PIK3R3: variants seen among roughly 807,000 people sequenced by gnomAD.
PIK3R3 encodes phosphatidylinositol 3-kinase regulatory subunit gamma.
Under a neutral mutation model 62.9 loss-of-function variants are expected in PIK3R3, and 64 were observed. The ratio of observed to expected loss-of-function variants is 1.02; its 90% CI spans 0.83 to 1.25. The LOEUF (loss-of-function observed/expected upper bound fraction) is 1.25, where lower values mean the gene tolerates loss of function less well. Ranked by LOEUF, PIK3R3 falls within the 50% of genes most tolerant of loss-of-function variation. The pLI, the probability that PIK3R3 is intolerant of heterozygous loss-of-function variation, is 0.00. For synonymous variants in PIK3R3, 165 were observed against 189.0 expected (o/e 0.87, Z 1.04); for missense variants, 614 against 561.6 (o/e 1.09, Z -0.94).
Position 46,046,020 on chromosome 1 carries a change from T to A in PIK3R3, c.1085A>T (p.Asp362Val). ...HYDEKTWFVE[D>V]INRVQAEDLL... ...GTCCTCTGCTTGTACTCGATTGATA[T>A]CCTCAACAAACCAGGTTTTCTCATC... The change falls in exon 9 of 10, where the codon GAT (aspartate) becomes GTT (valine). Residue 362 changes from aspartate (D) to valine (V), a missense_variant. Physicochemically the swap from Asp to Val is radical, Grantham distance 152. Coordinates refer to ENST00000262741, the MANE Select transcript of PIK3R3 (RefSeq NM_003629.4). The A allele has an allele frequency of 6.2e-7, 1 of 1,612,062 alleles. No individual in the cohort carries two copies. The highest frequency in any genetic ancestry group is 8.5e-7 in the Non-Finnish European group (1 of 1,178,330).
the PIK3R3 span, among the ~76,000 whole-genome samples, chr1:46,139,882 A>T: frequency 1.3e-5 from 2 of 152,160 alleles, no homozygotes; most frequent in African/African-American, 4.8e-5. Flanking sequence ...TCAGTATCCT[A>T]CCCTGACATA....
At position 46,091,481 on chromosome 1, in the gene PIK3R3, CAT is replaced by C. The variant is rs1418841969; in HGVS notation, c.107-10733_107-10732del. Reference sequence around the variant, plus strand: ...AAATGGTTATAAACACACACACACACATACACACACACACACACAGAGAATGT... The same window carrying C: ...AAATGGTTATAAACACACACACACACACACACACACACACACAGAGAATGT... On this transcript the variant is annotated intron_variant, in intron 1 of 9. Coordinates refer to ENST00000262741, the MANE Select transcript of PIK3R3 (RefSeq NM_003629.4). Among the ~76,000 whole-genome samples the C allele has an allele frequency of 8.6e-5, 6 of 69,522 alleles. No individual in the cohort carries two copies. The South Asian group carries it at 2.2e-3, about 25-fold the overall frequency. The allele number at this position is 69,522 out of a possible 152,430, so 45.6% of individuals were successfully genotyped here. A position where few individuals can be genotyped will look rare whatever the true frequency, so the allele number is the denominator to read the frequency against.
chr1:46,103,495 G>A (rs1348581459), intron 1 of PIK3R3, among the ~76,000 whole-genome samples: 6 of 152,006 alleles, frequency 3.9e-5, no homozygotes, highest in South Asian at 2.1e-4. Flanking sequence ...GTTTGAACCC[G>A]GGAGGTGGAG....
intron 1 of PIK3R3, among the ~76,000 whole-genome samples, chr1:46,116,977 A>G (rs1654240918): frequency 6.6e-6 from 1 of 152,208 alleles, no homozygotes; most frequent in African/African-American, 2.4e-5. Context: ...AAAGAAAATA[A>G]CATAAATCTC....
chr1:46,135,236 T>G (rs1435392032), upstream of PIK3R3, among the ~76,000 whole-genome samples: 1 of 152,170 alleles, frequency 6.6e-6, no homozygotes, highest in African/African-American at 2.4e-5. Flanking sequence ...AGTTGGAGAA[T>G]TATATTTGAC....
In PIK3R3 at chr1:46,075,272, G is replaced by T. The variant is rs189902498; in HGVS notation, c.314+2243C>A. On this transcript the variant is annotated intron_variant, in intron 3 of 9. Coordinates refer to ENST00000262741, the MANE Select transcript of PIK3R3 (RefSeq NM_003629.4). ...ATTTTTAAGTCTCATCAAATTAAGAGAGCCAATTCCGGGAACCCCAAAATT... is the reference window on the plus strand; with the variant it reads ...ATTTTTAAGTCTCATCAAATTAAGATAGCCAATTCCGGGAACCCCAAAATT... Among the ~76,000 whole-genome samples the T allele has an allele frequency of 1.5e-3, 228 of 152,272 alleles. 1 individual carries two copies. Among genetic ancestry groups the T allele is most frequent in the African/African-American group, 5.1e-3 (210 of 41,564 alleles).
At chr1:46,171,976 C>A in the PIK3R3 span, among the ~76,000 whole-genome samples, 7 of 152,044 alleles carry the variant, frequency 4.6e-5, no homozygotes, top group Non-Finnish European at 8.8e-5. Context: ...GCAGCCTGGA[C>A]CTTCTTCCAG....
At chr1:46,144,151 G>A in the PIK3R3 span, among the ~76,000 whole-genome samples, 2 of 152,128 alleles carry the variant, frequency 1.3e-5, no homozygotes, top group East Asian at 3.8e-4. Context: ...TCAGGGGTTT[G>A]GACCTATAAC....
intron 1 of PIK3R3, among the ~76,000 whole-genome samples, chr1:46,117,849 G>A (rs573487516): frequency 1.3e-5 from 2 of 152,204 alleles, no homozygotes; most frequent in Admixed American, 6.5e-5. Context: ...TAAGGGAATT[G>A]CCTGAGGCCA....
upstream of PIK3R3, chr1:46,132,736 C>A (rs1001979776): frequency 1.1e-5 from 14 of 1,287,734 alleles, no homozygotes; most frequent in Non-Finnish European, 1.4e-5. Flanking sequence ...GGAGGGGGGA[C>A]AGCAGGCATC....
Position 46,131,843 on chromosome 1 carries a change from G to T in PIK3R3, c.106+4C>A. On this transcript the variant is annotated splice_donor_region_variant and intron_variant, in intron 1 of 9. Coordinates refer to ENST00000262741, the MANE Select transcript of PIK3R3 (RefSeq NM_003629.4). ...GAGATTCTTTTTTTTTTTCTCCCAA[G>T]TACCTGGAGGATCCATTTCAATATA... is the stretch of plus-strand genomic sequence containing the variant. 1.9e-6 allele frequency: 3 copies of T among 1,606,052 alleles called. No individual in the cohort carries two copies. Among genetic ancestry groups the T allele is most frequent in the Admixed American group, 3.3e-5 (2 of 59,832 alleles).
chr1:46,133,471 T>A (rs1355641), upstream of PIK3R3, among the ~76,000 whole-genome samples: 31,901 of 152,184 alleles, frequency 0.21, 3,763 homozygotes, highest in Non-Finnish European at 0.26. Flanking sequence ...TTCTGGTCCT[T>A]AGGAGGTCTC....
At chr1:46,144,323 T>C in the PIK3R3 span, among the ~76,000 whole-genome samples, 5 of 152,138 alleles carry the variant, frequency 3.3e-5, no homozygotes, top group South Asian at 6.2e-4. Flanking sequence ...TTCCTGAGTA[T>C]AGAGCTTCTT....
chr1:46,053,306 TTG>T (rs1647545426), intron 7 of PIK3R3, among the ~76,000 whole-genome samples: 1 of 152,206 alleles, frequency 6.6e-6, no homozygotes, highest in Non-Finnish European at 1.5e-5. Context: ...ATGGTTTTTG[TTG>T]TCTTTTTTTG....
chr1:46,110,031 A>ACT (rs1489448503), intron 1 of PIK3R3, among the ~76,000 whole-genome samples: 2 of 150,038 alleles, frequency 1.3e-5, no homozygotes, highest in Non-Finnish European at 3.0e-5. Context: ...CAAACACACA[A>ACT]CTCTTTCTCA....
chr1:46,122,552 G>C (rs1654768877), intron 1 of PIK3R3, among the ~76,000 whole-genome samples: 1 of 152,064 alleles, frequency 6.6e-6, no homozygotes, highest in South Asian at 2.1e-4. Flanking sequence ...ATTTTTAGTA[G>C]AGATAGGGTT....
At chr1:46,071,195 G>A (rs1400650480) in intron 3 of PIK3R3, among the ~76,000 whole-genome samples, 2 of 151,330 alleles carry the variant, frequency 1.3e-5, no homozygotes, top group Non-Finnish European at 2.9e-5. Flanking sequence ...CACTCTTCCT[G>A]TCTCCTCCAA....
At chr1:46,146,722 CA>C in the PIK3R3 span, among the ~76,000 whole-genome samples, 1 of 148,590 alleles carries the variant, frequency 6.7e-6, no homozygotes, top group Non-Finnish European at 1.5e-5. Flanking sequence ...CACACACACA[CA>C]CACACACACA....
the PIK3R3 span, among the ~76,000 whole-genome samples, chr1:46,148,211 T>C: frequency 6.6e-6 from 1 of 152,176 alleles, no homozygotes; most frequent in African/African-American, 2.4e-5. Flanking sequence ...GAGTCTTCCA[T>C]ATGGTCCAGT....
Sources: gnomAD v4.1 joint callset for allele counts (sites outside exome capture counted in the v4.1 genomes callset) on GRCh38, gnomAD v4.1.1 for gene constraint, MANE v1.5 for transcripts, NCBI Gene and HGNC (gene_info 2026-07-23, HGNC 2026-07-21) for gene names.